The following USP47 variants were observed in gnomAD, a reference collection of about 807,000 sequenced individuals.
USP47 encodes ubiquitin carboxyl-terminal hydrolase 47.
In USP47, 35 loss-of-function variants were observed where a neutral mutation model predicts 165.1. The ratio of observed to expected loss-of-function variants is 0.21; its 90% confidence interval spans 0.16 to 0.28. The LOEUF is 0.28. Ranked by LOEUF, USP47 falls within the 10% of genes least tolerant of loss-of-function variation. The pLI is 1.00. For synonymous variants in USP47, 531 were observed against 544.5 expected (o/e 0.98, Z 0.35); for missense variants, 1,277 against 1,607.4 (o/e 0.79, Z 3.52).
At chr11:11,880,140 G>C (rs936193006) in intron 1 of USP47, 37 bp from the exon 2 acceptor site, 1 of 1,368,048 alleles carries the variant, frequency 7.3e-7, no homozygotes, top group South Asian at 1.5e-5. Context: ...TTGCTTTAAA[G>C]ATAATATATA....
chr11:11,931,360 A>G (rs967242752), intron 14 of USP47, among the ~76,000 whole-genome samples: 1 of 152,168 alleles, frequency 6.6e-6, no homozygotes, highest in African/African-American at 2.4e-5. Flanking sequence ...CACATAAAGT[A>G]TATTCTAGGA....
At chr11:11,901,562 A>G (rs571371476) in intron 5 of USP47, among the ~76,000 whole-genome samples, 4 of 152,200 alleles carry the variant, frequency 2.6e-5, no homozygotes, top group Non-Finnish European at 5.9e-5. Flanking sequence ...GCTGTTTATC[A>G]TAAGTTTGTG....
At chr11:11,916,327 T>C (rs1239269358) in intron 8 of USP47, among the ~76,000 whole-genome samples, 1 of 152,140 alleles carries the variant, frequency 6.6e-6, no homozygotes, top group Non-Finnish European at 1.5e-5. Flanking sequence ...TTGCATAATA[T>C]ATGGGGAGCA....
chr11:11,953,597 A>G (rs1322122605), intron 25 of USP47, among the ~76,000 whole-genome samples: 2 of 152,146 alleles, frequency 1.3e-5, no homozygotes, highest in African/African-American at 4.8e-5. Context: ...AACAAAGCTA[A>G]AAGACAATAA....
chr11:11,875,126 A>G (rs951238302), intron 1 of USP47, among the ~76,000 whole-genome samples: 3 of 151,898 alleles, frequency 2.0e-5, no homozygotes, highest in African/African-American at 7.3e-5. Flanking sequence ...AATAACATTG[A>G]AAGGAAGAAT....
chr11:11,842,155 G>A lies in USP47; in HGVS notation c.-31G>A. 6.4e-7 allele frequency: 1 copy of A among 1,551,348 alleles called. No homozygotes were observed. Among genetic ancestry groups the A allele is most frequent in the African/African-American group, 1.4e-5 (1 of 73,202 alleles). The stretch of plus-strand genomic sequence containing the variant: ...CGCCGCCACCCTCCACCCTCCCCCG[G>A]CAGGGCGGAGAGGAGCGGCCGGAGT... On this transcript the variant is annotated 5_prime_UTR_variant, in exon 1 of 28. Coordinates refer to ENST00000527733, the MANE Select transcript of USP47 (RefSeq NM_001282659.2).
At chr11:11,877,336 T>C (rs963535949) in intron 1 of USP47, among the ~76,000 whole-genome samples, 8 of 152,152 alleles carry the variant, frequency 5.3e-5, no homozygotes, top group Non-Finnish European at 1.2e-4. Context: ...TATTAAAGTA[T>C]AGGTGAAATA....
chr11:11,914,902 G>C (rs1853295867), intron 8 of USP47, among the ~76,000 whole-genome samples: 1 of 152,182 alleles, frequency 6.6e-6, no homozygotes, highest in Non-Finnish European at 1.5e-5. Flanking sequence ...CTGCTGGTGG[G>C]AATGTGAAAT....
intron 3 of USP47, among the ~76,000 whole-genome samples, chr11:11,891,519 C>T (rs930254568): frequency 1.3e-5 from 2 of 152,186 alleles, no homozygotes; most frequent in Admixed American, 6.5e-5. Context: ...ATTCACAGTT[C>T]AGGGATTCAT....
At chr11:11,869,879 C>T (rs1849923258) in intron 1 of USP47, among the ~76,000 whole-genome samples, 2 of 152,152 alleles carry the variant, frequency 1.3e-5, no homozygotes, top group African/African-American at 4.8e-5. Context: ...GTGATGCCTT[C>T]TGTCATGTTA....
intron 1 of USP47, among the ~76,000 whole-genome samples, chr11:11,869,433 G>A (rs969190637): frequency 2.6e-5 from 4 of 151,684 alleles, no homozygotes; most frequent in African/African-American, 9.7e-5. Flanking sequence ...GTGCATATTT[G>A]TGTAGGTCTC....
chr11:11,859,680 A>G (rs1362428187), intron 1 of USP47, among the ~76,000 whole-genome samples: 1 of 152,224 alleles, frequency 6.6e-6, no homozygotes, highest in Non-Finnish European at 1.5e-5. Context: ...TTCATTATGT[A>G]CAAGAATTGC....
intron 11 of USP47, among the ~76,000 whole-genome samples, chr11:11,923,323 T>G (rs1467559568): frequency 6.6e-6 from 1 of 151,886 alleles, no homozygotes; most frequent in Non-Finnish European, 1.5e-5. Flanking sequence ...TTTAAAAGTC[T>G]GGCCATGAAA....
intron 20 of USP47, among the ~76,000 whole-genome samples, chr11:11,947,223 G>A (rs1164320563): frequency 6.6e-6 from 1 of 152,116 alleles, no homozygotes; most frequent in African/African-American, 2.4e-5. Flanking sequence ...ATAAGCATTA[G>A]GGAAAAACGA....
chr11:11,943,649 A>C (rs1855634409), intron 20 of USP47: 1 of 152,162 alleles, frequency 6.6e-6, no homozygotes, highest in Non-Finnish European at 1.5e-5. Flanking sequence ...CCAATGCATA[A>C]TCTCAGAAAG....
chr11:11,954,862 T>C, intron 25 of USP47, 35 bp from the exon 26 acceptor site: 3 of 1,605,088 alleles, frequency 1.9e-6, no homozygotes, highest in Non-Finnish European at 2.6e-6. Context: ...AGTTAATTTT[T>C]TAAATGAACT....
At chr11:11,939,513 T>A (rs1855320242) in intron 18 of USP47, among the ~76,000 whole-genome samples, 2 of 152,068 alleles carry the variant, frequency 1.3e-5, no homozygotes, top group Non-Finnish European at 2.9e-5. Flanking sequence ...CTTCTAACAA[T>A]TTTGCTAAAG....
At chr11:11,955,271 T>TA in intron 27 of USP47, 107 bp downstream of exon 27, 1 of 1,353,658 alleles carries the variant, frequency 7.4e-7, no homozygotes, top group Non-Finnish European at 9.7e-7. Context: ...GGAGCGGCAC[T>TA]AACCGGTAGA....
intron 10 of USP47, 66 bp from the exon 11 acceptor site, chr11:11,922,658 C>A (rs1188845632): frequency 7.3e-6 from 10 of 1,366,098 alleles, no homozygotes; most frequent in African/African-American, 3.0e-5. Flanking sequence ...TATATAGGTA[C>A]AAAGTTTTGT....
Sources: gnomAD v4.1 joint callset for allele counts (sites outside exome capture counted in the v4.1 genomes callset) on GRCh38, gnomAD v4.1.1 for gene constraint, MANE v1.5 for transcripts, NCBI Gene and HGNC (gene_info 2026-07-23, HGNC 2026-07-21) for gene names.